The following POLR1D variants were observed in gnomAD, a reference collection of about 807,000 sequenced individuals.
POLR1D encodes DNA-directed RNA polymerases I and III subunit RPAC2.
In POLR1D, 8 loss-of-function variants were observed where a neutral mutation model predicts 10.8. The ratio of observed to expected loss-of-function variants is 0.74; its 90% CI spans 0.43 to 1.33. POLR1D has a LOEUF of 1.33. Among genes scored for constraint, POLR1D ranks in the 40% most tolerant of loss-of-function variants. POLR1D has a pLI of 0.01. For synonymous variants in POLR1D, 54 were observed against 57.2 expected (o/e 0.94, Z 0.25); for missense variants, 152 against 161.7 (o/e 0.94, Z 0.32).
downstream of POLR1D, chr13:27,623,517 C>A: frequency 2.1e-6 from 1 of 471,316 alleles, no homozygotes; most frequent in Non-Finnish European, 3.4e-6. Flanking sequence ...TCTAATTAAG[C>A]CAGCATTGAA....
intron 1 of POLR1D, chr13:27,622,419 C>G (rs1319156273): frequency 3.3e-6 from 1 of 301,894 alleles, no homozygotes; most frequent in South Asian, 4.5e-5. Flanking sequence ...CCTGAACCTT[C>G]CATTCTCCTA....
intron 1 of POLR1D, chr13:27,648,263 C>T: frequency 4.3e-6 from 3 of 696,616 alleles, no homozygotes; most frequent in African/African-American, 1.8e-5. Context: ...AAAATTTGCC[C>T]CAGCAATCAT....
chr13:27,645,163 G>A (rs1425367608), intron 1 of POLR1D, among the ~76,000 whole-genome samples: 1 of 152,214 alleles, frequency 6.6e-6, no homozygotes, highest in African/African-American at 2.4e-5. Flanking sequence ...GGACAAAATA[G>A]TGATCAGTCC....
chr13:27,642,909 T>C (rs955446686), intron 1 of POLR1D, among the ~76,000 whole-genome samples: 5 of 152,220 alleles, frequency 3.3e-5, no homozygotes, highest in Admixed American at 3.3e-4. Flanking sequence ...TTAGTTCATG[T>C]TGGGCATGAA....
intron 2 of POLR1D, chr13:27,664,651 G>A (rs976826201): frequency 6.6e-6 from 1 of 152,230 alleles, no homozygotes; most frequent in African/African-American, 2.4e-5. Context: ...GTGAGGCTAT[G>A]CTAATGCCTG....
chr13:27,666,335 C>T, exon 3 of POLR1D: 1 of 178,600 alleles, frequency 5.6e-6, no homozygotes, highest in South Asian at 1.5e-4. Context: ...CTATATTTTA[C>T]TTTTTGGGGG....
At chr13:27,642,844 G>T (rs1956187785) in intron 1 of POLR1D, among the ~76,000 whole-genome samples, 1 of 152,152 alleles carries the variant, frequency 6.6e-6, no homozygotes. Flanking sequence ...GCAATCTGCA[G>T]TATCTTTGTC....
At position 27,621,972 on chromosome 13, in the gene POLR1D, A is replaced by G; in HGVS notation, c.-12A>G. On this transcript the variant is annotated 5_prime_UTR_variant, in exon 1 of 2. Coordinates refer to ENST00000302979, the MANE Select transcript of POLR1D (RefSeq NM_015972.4). ...GCCAGCACCACCTGAGGATCCAGAA[A>G]CCGCCCCAGCGATGGAAGAGGATCA... The G allele has an allele frequency of 6.3e-7, 1 of 1,592,452 alleles. No homozygotes were observed. The highest frequency in any genetic ancestry group is 1.1e-5 in the South Asian group (1 of 87,658).
downstream of POLR1D, among the ~76,000 whole-genome samples, chr13:27,627,907 A>G (rs1183758524): frequency 6.6e-6 from 1 of 152,170 alleles, no homozygotes; most frequent in Non-Finnish European, 1.5e-5. Context: ...TTAAACAAAA[A>G]AAGTAACTTG....
downstream of POLR1D, among the ~76,000 whole-genome samples, chr13:27,624,941 G>A (rs1250791979): frequency 1.3e-5 from 2 of 152,022 alleles, no homozygotes; most frequent in African/African-American, 2.4e-5. Flanking sequence ...GCAAATGTAG[G>A]GTCAAGATAG....
downstream of POLR1D, among the ~76,000 whole-genome samples, chr13:27,627,747 T>TA (rs543401816): frequency 9.6e-5 from 13 of 135,120 alleles, no homozygotes; most frequent in South Asian, 7.2e-4. Flanking sequence ...TTTTTTTTTT[T>TA]TTTGTCCCAT....
At chr13:27,642,202 A>G (rs1330379278) in intron 1 of POLR1D, among the ~76,000 whole-genome samples, 1 of 152,224 alleles carries the variant, frequency 6.6e-6, no homozygotes, top group Admixed American at 6.5e-5. Context: ...CTGAAGGGAA[A>G]AGTGTTTTCC....
At position 27,621,912 on chromosome 13, in the gene POLR1D, C is replaced by G; in HGVS notation, c.-72C>G. ...TCGGTCCTTGCTTCCTGCTTCGCCT[C>G]CGCGCCTCGCGCTATGGGACAGAGC... On this transcript the variant is annotated 5_prime_UTR_variant, in exon 1 of 2. Transcript: ENST00000302979. The G allele has an allele frequency of 6.6e-7, 1 of 1,510,436 alleles. No individual in the cohort carries two copies. Among genetic ancestry groups the G allele is most frequent in the African/African-American group, 1.4e-5 (1 of 73,016 alleles). The allele number at this position is 1,510,436 out of a possible 1,614,324, so 93.6% of individuals were successfully genotyped here.
intron 2 of POLR1D, among the ~76,000 whole-genome samples, chr13:27,659,877 C>T (rs114363536): frequency 3.7e-4 from 55 of 150,038 alleles, no homozygotes; most frequent in African/African-American, 1.2e-3. Context: ...TGCTACAGTG[C>T]TTAGCATAAT....
chr13:27,627,727 G>GTT (rs57621806), downstream of POLR1D, among the ~76,000 whole-genome samples: 752 of 95,274 alleles, frequency 7.9e-3, 11 homozygotes, highest in African/African-American at 0.015. Flanking sequence ...TAAAGTTTTA[G>GTT]TTTTTTTTTT....
At chr13:27,643,088 A>G (rs1956190090) in intron 1 of POLR1D, among the ~76,000 whole-genome samples, 1 of 152,200 alleles carries the variant, frequency 6.6e-6, no homozygotes, top group Non-Finnish European at 1.5e-5. Flanking sequence ...TCTCCTAGAT[A>G]ATCCAGTATT....
chr13:27,656,625 G>A (rs1224386393), intron 2 of POLR1D, among the ~76,000 whole-genome samples: 2 of 152,174 alleles, frequency 1.3e-5, no homozygotes, highest in Non-Finnish European at 2.9e-5. Flanking sequence ...TGGAGATGAA[G>A]GGATGTGGAA....
intron 2 of POLR1D, among the ~76,000 whole-genome samples, chr13:27,662,362 A>AC (rs35414935): frequency 0.28 from 42,229 of 150,956 alleles, 6,741 homozygotes; most frequent in African/African-American, 0.43. Flanking sequence ...TGTACTAGAC[A>AC]CCCCCCCCAC....
Position 27,635,393 on chromosome 13 carries a change from T to C in POLR1D, c.27-12986T>C, listed in dbSNP as rs1253387338. ...GTGTTATTTGACAGGACTCTGGATA[T>C]GAAGTCAGAAAGCTCTGGGGTAGAG... On this transcript the variant is annotated intron_variant, in intron 1 of 2. Transcript: ENST00000399697. Among the ~76,000 whole-genome samples the C allele has an allele frequency of 6.6e-5, 10 of 152,254 alleles. No homozygotes were observed. The East Asian group carries it at 1.9e-3, about 29-fold the overall frequency.
Sources: allele counts gnomAD v4.1 joint callset (sites outside exome capture counted in the v4.1 genomes callset), GRCh38; gene constraint gnomAD v4.1.1; transcripts MANE v1.5; gene names NCBI Gene and HGNC (gene_info 2026-07-23, HGNC 2026-07-21).